Variants in ESPL1 observed in about 807,000 individuals in gnomAD.
The protein encoded by ESPL1 is extra spindle pole bodies like 1, separase.
ESPL1 carries 50 observed loss-of-function variants against 217.2 expected under a neutral mutation model. The observed-to-expected ratio is 0.23, with a 90% CI of 0.18 to 0.29. ESPL1 has a LOEUF of 0.29. Ranked by LOEUF, ESPL1 falls within the 10% of genes least tolerant of loss-of-function variation. The pLI is 1.00. For synonymous variants in ESPL1, 994 were observed against 1,081.3 expected, an observed-to-expected ratio of 0.92 and a Z score of 1.58; for missense variants, 1,834 against 2,603.0, an observed-to-expected ratio of 0.70 and a Z score of 6.43.
At position 53,270,049 on chromosome 12, in the gene ESPL1, G is replaced by C; in HGVS notation, c.1107G>C (p.Gly369=). The change falls in exon 3 of 31, where the codon GGG becomes GGC. Residue 369 remains glycine (G), a synonymous_variant. Transcript: ENST00000257934. ...TGAGCCTCTTTGCTTTTCTTGGAGG[G>C]TACTGCTCTCTTCTGCAGCAGCTGC... ...AILSLFAFLG[G]YCSLLQQLRD... 1.2e-6 allele frequency: 2 copies of C among 1,613,548 alleles called. No homozygotes were observed. The highest frequency in any genetic ancestry group is 1.1e-5 in the South Asian group (1 of 91,030).
At position 53,288,145 on chromosome 12, in the gene ESPL1, C is replaced by A; in HGVS notation, c.4350C>A (p.Gly1450=). Residue 1450 remains glycine (G), a synonymous_variant, in exon 19 of 31, where the codon GGC becomes GGA. Coordinates refer to ENST00000257934, the MANE Select transcript of ESPL1 (RefSeq NM_012291.5). The part of the protein sequence containing the change: ...VAPGSAPGNP[G]LNGRSRRAKK... Reference sequence around the variant, plus strand: ...CAGGTAGTGCCCCTGGGAACCCTGGCCTGAATGGCAGGAGCCGGAGGGCCA... The same window carrying A: ...CAGGTAGTGCCCCTGGGAACCCTGGACTGAATGGCAGGAGCCGGAGGGCCA... The A allele has an allele frequency of 6.2e-7, 1 of 1,613,576 alleles. No homozygotes were observed. Among genetic ancestry groups the A allele is most frequent in the Non-Finnish European group, 8.5e-7 (1 of 1,179,898 alleles).
rs891314117 is a variant in ESPL1, at chr12:53,292,299, A to G, written c.5818A>G (p.Ser1940Gly). The change falls in exon 28 of 31, where the codon AGT becomes GGT. Residue 1940 changes from serine (S) to glycine (G), a missense_variant. Ser to Gly is a moderately conservative substitution (Grantham distance 56). This residue lies in a region of ESPL1 where 295 missense variants were observed against 519.8 expected (regional missense o/e 0.57). Transcript: ENST00000257934. This position sits in a 1 kb window ranked among gnomAD's most constrained non-coding sequence, Gnocchi z 4.5. ...IKEYGASPVL[S>G]QGVDPRSTFY... ...TCAGTATGGGGCCTCGCCAGTGCTG[A>G]GTCAAGGGGTGGATCCACGAAGTAC... is the stretch of plus-strand genomic sequence containing the variant. 1 of 1,613,616 alleles carries G rather than the reference A, an allele frequency of 6.2e-7. No homozygotes were observed. Among genetic ancestry groups the G allele is most frequent in the Non-Finnish European group, 8.5e-7 (1 of 1,179,644 alleles).
intron 17 of ESPL1, among the ~76,000 whole-genome samples, chr12:53,284,913 G>A (rs1484821763): frequency 6.6e-6 from 1 of 150,932 alleles, no homozygotes; most frequent in East Asian, 2.0e-4. Flanking sequence ...TCAGAAGGCT[G>A]AGGCAGGAGA....
In ESPL1 at chr12:53,281,531, A is replaced by C. The variant is rs774856857; in HGVS notation, c.2524A>C (p.Ser842Arg). ...AQLHLEEAAS[S>R]LKHLDQTTDT... ...GTTACACCTGGAAGAGGCAGCATCG[A>C]GCCTGAAGCATCTCGATCAGACTAC... The change falls in exon 13 of 31, where the codon AGC becomes CGC. Residue 842 changes from serine to arginine, a missense_variant. Physicochemically the swap from Ser to Arg is moderately radical, Grantham distance 110 (BLOSUM62 -1). Transcript: ENST00000257934. 2.5e-6 allele frequency: 4 copies of C among 1,613,960 alleles called. No homozygotes were observed. The highest frequency in any genetic ancestry group is 2.5e-6 in the Non-Finnish European group (3 of 1,179,888).
rs943114351 is a variant in ESPL1 at position 53,288,822 on chromosome 12, A to ACC, written c.4708+126_4708+127dup. The ACC allele has an allele frequency of 3.0e-5, 24 of 792,608 alleles. No homozygotes were observed. The Admixed American group carries it at 5.4e-4, about 18-fold the overall frequency. 49.1% of individuals were successfully genotyped at this position (792,608 alleles called of 1,614,324 possible). On this transcript the variant is annotated intron_variant, in intron 20 of 30. Coordinates refer to ENST00000257934, the MANE Select transcript of ESPL1 (RefSeq NM_012291.5). ...CAGTAGCCTCTGAACCTGTGTTTGA[A>ACC]CCCCAGCACTCTGTCTATGAGCTGT...
At position 53,269,119 on chromosome 12, in the gene ESPL1, G is replaced by A. The variant is rs1943619833; in HGVS notation, c.177G>A (p.Gln59=). 1 of 1,614,026 alleles carries A rather than the reference G, an allele frequency of 6.2e-7. No homozygotes were observed. The highest frequency in any genetic ancestry group is 1.3e-5 in the African/African-American group (1 of 74,952). ...ATGCCATCCTGAGGGCTTGCAACCA[G>A]CAGCTGACTGCTAAGCTAGCTTGCC... ...ACDAILRACN[Q]QLTAKLACPR... Residue 59 remains glutamine (Q), a synonymous_variant, in exon 3 of 31, where the codon CAG becomes CAA. Transcript: ENST00000257934. This position sits in a 1 kb window ranked among gnomAD's most constrained non-coding sequence, Gnocchi z 6.7.
In ESPL1 at chr12:53,277,451, C is replaced by T; in HGVS notation, c.2086-19C>T. On this transcript the variant is annotated intron_variant, in intron 9 of 30. Transcript: ENST00000257934. ...CCACACCACTGTGCCCTGTTTTATA[C>T]CCCGATCTTCCCATCCAGGGTATCG... is the stretch of plus-strand genomic sequence containing the variant. The T allele has an allele frequency of 6.2e-7, 1 of 1,611,540 alleles. No individual in the cohort carries two copies. The highest frequency in any genetic ancestry group is 8.5e-7 in the Non-Finnish European group (1 of 1,178,892).
intron 18 of ESPL1, 162 bp from the exon 19 acceptor site, chr12:53,287,810 C>T (rs1331888555): frequency 1.9e-5 from 12 of 632,034 alleles, no homozygotes; most frequent in Non-Finnish European, 3.2e-5. Context: ...GAGTCGCTGC[C>T]CCTGATCTAG....
At chr12:53,290,783 C>T in intron 24 of ESPL1, 58 bp from the exon 25 acceptor site, 4 of 1,465,078 alleles carry the variant, frequency 2.7e-6, no homozygotes, top group Non-Finnish European at 3.7e-6. Flanking sequence ...AATGTCAGTG[C>T]CTGTGAGAAA....
chr12:53,270,133 A>AC (rs1204047548), intron 3 of ESPL1, 48 bp downstream of exon 3: 3 of 1,479,036 alleles, frequency 2.0e-6, no homozygotes, highest in Non-Finnish European at 1.8e-6. Flanking sequence ...CTGTGGACTC[A>AC]CTACCAGCCT....
intron 6 of ESPL1, among the ~76,000 whole-genome samples, chr12:53,273,166 G>T (rs983100505): frequency 1.3e-5 from 2 of 150,658 alleles, no homozygotes; most frequent in African/African-American, 4.9e-5. Flanking sequence ...AGCCTCCCAA[G>T]TAGCTGGGAT....
intron 18 of ESPL1, chr12:53,287,363 A>G (rs145243776): frequency 0.017 from 2,245 of 135,224 alleles, 25 homozygotes; most frequent in Middle Eastern, 0.081. Context: ...GTGAGCCACC[A>G]TGCTCAGCCT....
rs756060379 is a variant in ESPL1 at position 53,272,776 on chromosome 12, G to C, written c.1425G>C (p.Glu475Asp). The C allele has an allele frequency of 1.4e-5, 22 of 1,614,034 alleles. No individual in the cohort carries two copies. Among genetic ancestry groups the C allele is most frequent in the Admixed American group, 5.0e-5 (3 of 59,996 alleles). ...YSFYSHKLYA[E>D]ACAISEPLCQ... ...TCTATAGTCACAAGCTCTATGCCGA[G>C]GCCTGTGCCATCTCTGAGCCGCTCT... The change falls in exon 6 of 31, where the codon GAG (glutamate) becomes GAC (aspartate). Residue 475 changes from glutamate (E) to aspartate (D), a missense_variant. Around this residue, in one of 5 missense-constraint regions of ESPL1, gnomAD observed 746 missense variants for 1,077.0 expected, o/e 0.69. Transcript: ENST00000257934.
rs1366031946 is a variant in ESPL1, at chr12:53,281,510, C to T, written c.2503C>T (p.His835Tyr). The T allele has an allele frequency of 3.1e-6, 5 of 1,613,188 alleles. No individual in the cohort carries two copies. The highest frequency in any genetic ancestry group is 2.2e-5 in the East Asian group (1 of 44,892). Reference protein sequence around the residue: ...TLGCPSYAQLHLEEAASSLKH... With the variant: ...TLGCPSYAQLYLEEAASSLKH... ...TGCCCTCTGATTGCTTCCTTAGTTACACCTGGAAGAGGCAGCATCGAGCCT... is the reference window on the plus strand; with the variant it reads ...TGCCCTCTGATTGCTTCCTTAGTTATACCTGGAAGAGGCAGCATCGAGCCT... The change falls in exon 13 of 31, where the codon CAC becomes TAC. Residue 835 changes from histidine (H) to tyrosine (Y), a missense_variant. Around this residue, in one of 5 missense-constraint regions of ESPL1, gnomAD observed 746 missense variants for 1,077.0 expected, o/e 0.69. Coordinates refer to ENST00000257934, the MANE Select transcript of ESPL1 (RefSeq NM_012291.5).
At chr12:53,274,510 A>G (rs1943730513) in intron 6 of ESPL1, 1 of 267,568 alleles carries the variant, frequency 3.7e-6, no homozygotes, top group South Asian at 4.2e-5. Context: ...GGAACATCAG[A>G]GATGGCCCCA....
rs1403909721 is a variant in ESPL1 at position 53,269,046 on chromosome 12, C to G, written c.104C>G (p.Ala35Gly). ...TAGGAGTTCCTGTCCAACCCTCCAG[C>G]TGGTTTTCCCAGCAGCCGATCTGAT... ...ALKEFLSNPPAGFPSSRSDAE... is the reference protein window; with the variant it reads ...ALKEFLSNPPGGFPSSRSDAE... Residue 35 changes from alanine (A) to glycine (G), a missense_variant, in exon 3 of 31, where the codon GCT (alanine) becomes GGT (glycine). By Grantham distance (60) the Ala-to-Gly change is moderately conservative. This residue lies in a region of ESPL1 where 746 missense variants were observed against 1,077.0 expected (regional missense o/e 0.69). Transcript: ENST00000257934. The surrounding 1 kb of genome is among the most constrained non-coding windows in gnomAD (Gnocchi z 6.7). 4 of 1,612,320 alleles carry G rather than the reference C, an allele frequency of 2.5e-6. No homozygotes were observed. Among genetic ancestry groups the G allele is most frequent in the Admixed American group, 3.3e-5 (2 of 59,916 alleles).
At position 53,292,438 on chromosome 12, in the gene ESPL1, A is replaced by G. The variant is rs1376519047; in HGVS notation, c.5912+45A>G. The G allele has an allele frequency of 6.8e-7, 1 of 1,464,972 alleles. No homozygotes were observed. The highest frequency in any genetic ancestry group is 9.6e-7 in the Non-Finnish European group (1 of 1,044,014). 90.7% of individuals were successfully genotyped at this position (1,464,972 alleles called of 1,614,324 possible). A position where few individuals can be genotyped will look rare whatever the true frequency, so the allele number is the denominator to read the frequency against. On this transcript the variant is annotated intron_variant, in intron 28 of 30. Transcript: ENST00000257934. The surrounding 1 kb of genome is among the most constrained non-coding windows in gnomAD (Gnocchi z 4.5). ...GAAGACGTGTGGGGAAGGGTAGACA[A>G]CATACAGGGGCAACAAGCCTTTTCT... is the stretch of plus-strand genomic sequence containing the variant.
At position 53,288,717 on chromosome 12, in the gene ESPL1, G is replaced by T; in HGVS notation, c.4708+18G>T. 1 of 1,599,724 alleles carries T rather than the reference G, an allele frequency of 6.3e-7. No individual in the cohort carries two copies. The highest frequency in any genetic ancestry group is 8.5e-7 in the Non-Finnish European group (1 of 1,174,136). ...AGCCACTGGTGAATATGCGACCCCT[G>T]ATGTTGGTCACTTGGAGAGGGCTGA... is the stretch of plus-strand genomic sequence containing the variant. On this transcript the variant is annotated intron_variant, in intron 20 of 30. Coordinates refer to ENST00000257934, the MANE Select transcript of ESPL1 (RefSeq NM_012291.5).
chr12:53,273,843 T>TTTTG (rs1943718705), intron 6 of ESPL1, among the ~76,000 whole-genome samples: 1 of 101,616 alleles, frequency 9.8e-6, no homozygotes, highest in African/African-American at 3.9e-5. Context: ...TTGGTTTTTT[T>TTTTG]TTTTTTTTTT....
Sources: allele counts gnomAD v4.1 joint callset (sites outside exome capture counted in the v4.1 genomes callset), GRCh38; gene constraint gnomAD v4.1.1; regional missense constraint gnomAD v4.1.1; non-coding constraint Gnocchi (gnomAD v3.1); transcripts MANE v1.5; gene names NCBI Gene and HGNC (gene_info 2026-07-23, HGNC 2026-07-21).